Variants in BTBD1 observed in about 807,000 individuals in gnomAD.
The protein encoded by BTBD1 is BTB domain containing 1.
A neutral mutation model predicts 48.0 loss-of-function variants in BTBD1; 34 were observed. That is an observed-to-expected ratio of 0.71 (90% CI 0.54 to 0.94). BTBD1 has a LOEUF of 0.94. Among genes scored for constraint, BTBD1 ranks in the 40% least tolerant of loss-of-function variants. The probability of loss-of-function intolerance (pLI) is 0.00; values close to 1 mark genes in which losing one functional copy is unlikely to be tolerated. For missense variants in BTBD1, 543 were observed against 625.6 expected (o/e 0.87, Z 1.41); for synonymous variants, 261 against 242.1 (o/e 1.08, Z -0.72).
Position 83,067,131 on chromosome 15 carries a change from G to A in BTBD1, c.21C>T (p.Ala7=), listed in dbSNP as rs755905193. The change falls in exon 1 of 8, where the codon GCC becomes GCT. Residue 7 remains alanine (A), a synonymous_variant. Transcript: ENST00000261721. MASLGP[A]AAGEQASGAE... ...CCCCCGACGCCTGCTCCCCAGCTGCGGCAGGCCCGAGTGAGGCCATCCTCC... is the reference window on the plus strand; with the variant it reads ...CCCCCGACGCCTGCTCCCCAGCTGCAGCAGGCCCGAGTGAGGCCATCCTCC... The A allele has an allele frequency of 4.9e-6, 7 of 1,440,914 alleles. No individual in the cohort carries two copies. The Admixed American group carries it at 1.3e-4, about 27-fold the overall frequency. The allele number at this position is 1,440,914 out of a possible 1,614,324, so 89.3% of individuals were successfully genotyped here. A position where few individuals can be genotyped will look rare whatever the true frequency, so the allele number is the denominator to read the frequency against.
chr15:83,040,598 G>A (rs1014437974), intron 4 of BTBD1, among the ~76,000 whole-genome samples: 3 of 151,424 alleles, frequency 2.0e-5, no homozygotes, highest in African/African-American at 7.3e-5. Context: ...TACTCAGGAG[G>A]CTGAGGTGTG....
chr15:83,039,906 A>T (rs1357761629), intron 4 of BTBD1, among the ~76,000 whole-genome samples: 1 of 152,006 alleles, frequency 6.6e-6, no homozygotes, highest in Non-Finnish European at 1.5e-5. Flanking sequence ...CAAAAGACAC[A>T]TGCACTCATA....
chr15:83,029,210 G>A (rs908164224), intron 5 of BTBD1, among the ~76,000 whole-genome samples: 1 of 152,090 alleles, frequency 6.6e-6, no homozygotes, highest in African/African-American at 2.4e-5. Flanking sequence ...AGATTTTTCT[G>A]TTTTAACAAA....
chr15:83,044,958 T>A (rs1205845038), intron 3 of BTBD1, among the ~76,000 whole-genome samples: 1 of 152,154 alleles, frequency 6.6e-6, no homozygotes, highest in African/African-American at 2.4e-5. Context: ...TAAATAAATG[T>A]GTTTGTGCTA....
intron 4 of BTBD1, among the ~76,000 whole-genome samples, chr15:83,036,382 C>A (rs1375228333): frequency 6.6e-5 from 10 of 152,132 alleles, no homozygotes; most frequent in Admixed American, 3.9e-4. Context: ...CACATCCACA[C>A]AAATGGCTAG....
rs1156629644 is a variant in BTBD1, at chr15:83,041,815, C to T, written c.775G>A (p.Val259Met). ...ACTTTTTGTTTATTCCCAAAAGTCA[C>T]AGGTAATTGTTGTCTCTGACATTCT... is the stretch of plus-strand genomic sequence containing the variant. Reference protein sequence around the residue: ...EAECQRQQLPVTFGNKQKVLG... With the variant: ...EAECQRQQLPMTFGNKQKVLG... Residue 259 changes from valine to methionine, a missense_variant, in exon 4 of 8, where the codon GTG (valine) becomes ATG (methionine). This residue lies in a region of BTBD1 where 300 missense variants were observed against 350.0 expected (regional missense o/e 0.86). Coordinates refer to ENST00000261721, the MANE Select transcript of BTBD1 (RefSeq NM_025238.4). The T allele has an allele frequency of 1.9e-6, 3 of 1,614,068 alleles. No individual in the cohort carries two copies. The highest frequency in any genetic ancestry group is 2.5e-6 in the Non-Finnish European group (3 of 1,180,026).
chr15:83,018,714 G>A lies in BTBD1; in HGVS notation c.1283C>T (p.Thr428Ile). ...ATAGTGCATGACTCTTACTTTGAGT[G>A]TTGCACATGCTGTGTAGCACACATT... Reference protein sequence around the residue: ...LPNVCYTACATLKGPDSHYGT... With the variant: ...LPNVCYTACAILKGPDSHYGT... The change falls in exon 7 of 8, where the codon ACA (threonine) becomes ATA (isoleucine). Residue 428 changes from threonine (T) to isoleucine (I), a missense_variant. Thr to Ile is a moderately conservative substitution (Grantham distance 89, BLOSUM62 -1). Around this residue, in one of 3 missense-constraint regions of BTBD1, gnomAD observed 300 missense variants for 350.0 expected, o/e 0.86. Transcript: ENST00000261721. 1 of 1,613,872 alleles carries A rather than the reference G, an allele frequency of 6.2e-7. No individual in the cohort carries two copies. Among genetic ancestry groups the A allele is most frequent in the African/African-American group, 1.3e-5 (1 of 75,030 alleles).
At chr15:83,023,517 C>G (rs1026769485) in intron 5 of BTBD1, among the ~76,000 whole-genome samples, 1 of 151,900 alleles carries the variant, frequency 6.6e-6, no homozygotes, top group Non-Finnish European at 1.5e-5. Flanking sequence ...GTATCTGGGA[C>G]CACAGGTGCA....
chr15:83,025,818 G>T (rs985587877), intron 5 of BTBD1, among the ~76,000 whole-genome samples: 3 of 151,818 alleles, frequency 2.0e-5, no homozygotes, highest in African/African-American at 7.3e-5. Context: ...CACCCAGCCT[G>T]GAGTGCAGTG....
At chr15:83,065,173 T>C (rs371667294) in intron 1 of BTBD1, among the ~76,000 whole-genome samples, 2 of 152,352 alleles carry the variant, frequency 1.3e-5, no homozygotes, top group African/African-American at 4.8e-5. Context: ...GTAAATATTT[T>C]TGTATGCAAT....
chr15:83,054,189 T>C (rs566936636), intron 2 of BTBD1, among the ~76,000 whole-genome samples: 1 of 152,054 alleles, frequency 6.6e-6, no homozygotes, highest in South Asian at 2.1e-4. Flanking sequence ...AATAAAAAAA[T>C]TAGCCAGGCG....
At chr15:83,021,180 A>AGTAATGGTCAACAAGACAGTTTCTACCT (rs2032286967) in intron 5 of BTBD1, among the ~76,000 whole-genome samples, 1 of 152,234 alleles carries the variant, frequency 6.6e-6, no homozygotes, top group Non-Finnish European at 1.5e-5. Context: ...GCACTGCGGA[A>AGTAATGGTCAACAAGACAGTTTCTACCT]GTAATGGTCA....
At chr15:83,066,568 T>C (rs1596447294) in intron 1 of BTBD1, among the ~76,000 whole-genome samples, 183 bp downstream of exon 1, 1 of 152,078 alleles carries the variant, frequency 6.6e-6, no homozygotes, top group East Asian at 1.9e-4. Context: ...CCGTCCTGGT[T>C]CACAGATTTC....
At chr15:83,020,958 C>A (rs572949465) in intron 5 of BTBD1, among the ~76,000 whole-genome samples, 196 bp from the exon 6 acceptor site, 1 of 152,236 alleles carries the variant, frequency 6.6e-6, no homozygotes, top group African/African-American at 2.4e-5. Context: ...TAAGAGGAAC[C>A]TAAGAATTGG....
intron 1 of BTBD1, among the ~76,000 whole-genome samples, chr15:83,060,515 C>A (rs75226543): frequency 2.0e-5 from 3 of 151,316 alleles, no homozygotes; most frequent in Non-Finnish European, 2.9e-5. Context: ...AATTTAAAGC[C>A]GGGCACGGTA....
chr15:83,057,736 T>C (rs2033111936), intron 1 of BTBD1, among the ~76,000 whole-genome samples: 1 of 152,250 alleles, frequency 6.6e-6, no homozygotes, highest in Non-Finnish European at 1.5e-5. Flanking sequence ...GGATCCGCTG[T>C]TGTGTTTCTC....
At chr15:83,048,079 C>T (rs1489188203) in intron 3 of BTBD1, among the ~76,000 whole-genome samples, 1 of 151,992 alleles carries the variant, frequency 6.6e-6, no homozygotes, top group Non-Finnish European at 1.5e-5. Flanking sequence ...GTGGTAGCCA[C>T]GGATATGGTT....
intron 4 of BTBD1, 87 bp downstream of exon 4, chr15:83,041,641 T>C: frequency 7.9e-7 from 1 of 1,260,302 alleles, no homozygotes; most frequent in Non-Finnish European, 1.1e-6. Flanking sequence ...TCGAAAGTGC[T>C]GGGATTATAG....
chr15:83,052,761 G>C (rs921797733), intron 2 of BTBD1, among the ~76,000 whole-genome samples: 1 of 145,548 alleles, frequency 6.9e-6, no homozygotes, highest in African/African-American at 2.5e-5. Context: ...CTCCCGAGTA[G>C]CTGGGACTAC....
Sources: gnomAD v4.1 joint callset for allele counts (sites outside exome capture counted in the v4.1 genomes callset) on GRCh38, gnomAD v4.1.1 for gene constraint, gnomAD v4.1.1 regional missense constraint, MANE v1.5 for transcripts, NCBI Gene and HGNC (gene_info 2026-07-23, HGNC 2026-07-21) for gene names.